Variants in BNC2 observed in about 807,000 individuals in gnomAD.
The protein encoded by BNC2 is basonuclin zinc finger protein 2, also known as zinc finger protein basonuclin-2.
A neutral mutation model predicts 76.3 loss-of-function variants in BNC2; 20 were observed. The ratio of observed to expected loss-of-function variants is 0.26; its 90% confidence interval spans 0.18 to 0.38. The LOEUF is 0.38. Among genes scored for constraint, BNC2 ranks in the 10% least tolerant of loss-of-function variants. The probability of loss-of-function intolerance (pLI) is 1.00; values close to 1 mark genes in which losing one functional copy is unlikely to be tolerated. For missense variants in BNC2, 1,382 were observed against 1,399.8 expected (o/e 0.99, Z 0.20); for synonymous variants, 582 against 514.8 (o/e 1.13, Z -1.77).
intron 2 of BNC2, among the ~76,000 whole-genome samples, chr9:16,732,162 A>AAAAAAAAAAAAAAAAAAAAAAAG: frequency 1.6e-5 from 2 of 123,576 alleles, no homozygotes; most frequent in Non-Finnish European, 3.4e-5. Flanking sequence ...TCCTGCAAAA[A>AAAAAAAAAAAAAAAAAAAAAAAG]AAAAAGAAAA....
intron 1 of BNC2, among the ~76,000 whole-genome samples, chr9:16,828,266 C>T (rs573096588): frequency 5.3e-5 from 8 of 152,082 alleles, no homozygotes; most frequent in Non-Finnish European, 1.0e-4. Context: ...TGTAACTAAT[C>T]CAGTGAGAAA....
Position 16,454,498 on chromosome 9 carries a change from C to A in BNC2, c.670-16974G>T, listed in dbSNP as rs1029272049. Among the ~76,000 whole-genome samples, 3 of 152,104 alleles carry A rather than the reference C, an allele frequency of 2.0e-5. No individual in the cohort carries two copies. In the South Asian group the frequency reaches 6.2e-4, roughly 32 times the overall value. On this transcript the variant is annotated intron_variant, in intron 5 of 6. Coordinates refer to ENST00000380672, the MANE Select transcript of BNC2 (RefSeq NM_017637.6). ...TATTTTAGTTGTACAGAGATGGGAT[C>A]TCATTATGTTGCCTAGGCTGGTCTT... is the stretch of plus-strand genomic sequence containing the variant.
chr9:16,746,525 G>A (rs560424154), intron 1 of BNC2, among the ~76,000 whole-genome samples: 9 of 151,650 alleles, frequency 5.9e-5, no homozygotes, highest in African/African-American at 1.7e-4. Flanking sequence ...CACCACGCCC[G>A]GCTAATTTTT....
At chr9:16,424,848 T>A (rs1272192848) in intron 6 of BNC2, among the ~76,000 whole-genome samples, 3 of 152,204 alleles carry the variant, frequency 2.0e-5, no homozygotes, top group Non-Finnish European at 4.4e-5. Context: ...TACAACACTA[T>A]CTATTACACT....
chr9:16,433,707 T>C (rs999440023), intron 6 of BNC2, among the ~76,000 whole-genome samples: 13 of 152,206 alleles, frequency 8.5e-5, no homozygotes, highest in Non-Finnish European at 1.5e-4. Context: ...AAACACTGGG[T>C]GTGTAGCCTT....
chr9:16,624,402 AG>A (rs144107717), intron 3 of BNC2, among the ~76,000 whole-genome samples: 18,299 of 152,182 alleles, frequency 0.12, 2,093 homozygotes, highest in African/African-American at 0.3. Flanking sequence ...GCAATTTTAA[AG>A]GGGGAAACAA....
chr9:16,634,385 T>G (rs777228617), intron 3 of BNC2, among the ~76,000 whole-genome samples: 1 of 152,230 alleles, frequency 6.6e-6, no homozygotes, highest in Non-Finnish European at 1.5e-5. Context: ...TTGTCACCAT[T>G]AGTCACATGA....
At chr9:16,615,042 G>A (rs1820661475) in intron 3 of BNC2, among the ~76,000 whole-genome samples, 2 of 141,896 alleles carry the variant, frequency 1.4e-5, no homozygotes, top group South Asian at 2.3e-4. Flanking sequence ...TACAAGAACA[G>A]TCTGCAGACA....
chr9:16,709,508 G>T (rs2134699421), intron 3 of BNC2, among the ~76,000 whole-genome samples: 1 of 152,276 alleles, frequency 6.6e-6, no homozygotes, highest in East Asian at 1.9e-4. Flanking sequence ...AGCGAATTTT[G>T]TTTGGTTAGT....
At chr9:16,755,398 G>C (rs1825352663) in intron 1 of BNC2, among the ~76,000 whole-genome samples, 1 of 152,134 alleles carries the variant, frequency 6.6e-6, no homozygotes, top group African/African-American at 2.4e-5. Flanking sequence ...TAGATTACAA[G>C]AGTAGGTGAT....
chr9:16,685,595 C>T, intron 3 of BNC2: 1 of 1,304,228 alleles, frequency 7.7e-7, no homozygotes, highest in Non-Finnish European at 1.0e-6. Flanking sequence ...CAGAAGTCTG[C>T]CCCCAGCACT....
At chr9:16,808,558 G>A (rs1043611026) in intron 1 of BNC2, among the ~76,000 whole-genome samples, 6 of 131,084 alleles carry the variant, frequency 4.6e-5, no homozygotes, top group East Asian at 2.1e-4. Flanking sequence ...GTGTGACCAC[G>A]GCTCACTGGA....
chr9:16,680,767 AGCAGAT>A (rs1466873437), intron 3 of BNC2, among the ~76,000 whole-genome samples: 5 of 151,898 alleles, frequency 3.3e-5, no homozygotes, highest in Non-Finnish European at 7.4e-5. Flanking sequence ...ACAGATTCCA[AGCAGAT>A]GCAAAAGGCT....
At chr9:16,608,712 C>G (rs1053716609) in intron 3 of BNC2, among the ~76,000 whole-genome samples, 5 of 151,958 alleles carry the variant, frequency 3.3e-5, no homozygotes, top group African/African-American at 1.2e-4. Flanking sequence ...TTAAAATATG[C>G]CCTAATTACT....
chr9:16,661,771 G>T (rs989890593), intron 3 of BNC2, among the ~76,000 whole-genome samples: 4 of 152,114 alleles, frequency 2.6e-5, no homozygotes, highest in Admixed American at 2.6e-4. Context: ...TGTTTTTAAT[G>T]TCCATGTAAA....
intron 5 of BNC2, among the ~76,000 whole-genome samples, chr9:16,473,981 T>A (rs1304233587): frequency 2.0e-5 from 3 of 152,222 alleles, no homozygotes; most frequent in Non-Finnish European, 4.4e-5. Flanking sequence ...CAGGGGGCAG[T>A]CATGTGATAT....
intron 2 of BNC2, among the ~76,000 whole-genome samples, chr9:16,731,700 A>T (rs1219918564): frequency 6.6e-6 from 1 of 152,212 alleles, no homozygotes; most frequent in African/African-American, 2.4e-5. Flanking sequence ...ACATAACTAT[A>T]GTAAAATTCA....
At chr9:16,519,010 A>C (rs993397630) in intron 5 of BNC2, among the ~76,000 whole-genome samples, 3 of 152,254 alleles carry the variant, frequency 2.0e-5, no homozygotes, top group African/African-American at 7.2e-5. Flanking sequence ...CTCTATGCTG[A>C]GAAGAGAAGG....
intron 1 of BNC2, among the ~76,000 whole-genome samples, chr9:16,828,844 T>C (rs562790205): frequency 1.3e-5 from 2 of 152,194 alleles, no homozygotes; most frequent in South Asian, 2.1e-4. Context: ...ATGTGTCTAG[T>C]GGCACTGGAA....
Sources: allele counts gnomAD v4.1 joint callset (sites outside exome capture counted in the v4.1 genomes callset), GRCh38; gene constraint gnomAD v4.1.1; transcripts MANE v1.5; gene names NCBI Gene and HGNC (gene_info 2026-07-23, HGNC 2026-07-21).